SPAG17: variants seen among roughly 807,000 people sequenced by gnomAD.
SPAG17 encodes the protein sperm-associated antigen 17.
In SPAG17, 169 loss-of-function variants were observed where a neutral mutation model predicts 273.6. The observed-to-expected ratio is 0.62, with a 90% CI of 0.55 to 0.70. The LOEUF (loss-of-function observed/expected upper bound fraction) is 0.70, where lower values mean the gene tolerates loss of function less well. SPAG17 is among the 30% of genes least tolerant of loss of function. The pLI, the probability that SPAG17 is intolerant of heterozygous loss-of-function variation, is 0.00. For missense variants in SPAG17, 2,557 were observed against 2,627.8 expected (o/e 0.97, Z 0.59); for synonymous variants, 825 against 873.2 (o/e 0.94, Z 0.97).
intron 3 of SPAG17, 139 bp downstream of exon 3, chr1:118,150,404 C>G: frequency 2.3e-6 from 1 of 434,248 alleles, no homozygotes; most frequent in Non-Finnish European, 4.1e-6. Context: ...TGTGTGTGTT[C>G]ACCATCAGGA....
chr1:118,037,101 A>G (rs928779591), intron 23 of SPAG17, among the ~76,000 whole-genome samples: 6 of 152,128 alleles, frequency 3.9e-5, no homozygotes, highest in African/African-American at 1.4e-4. Flanking sequence ...CCTTAGGTTA[A>G]AGTGAAGAGA....
intron 1 of SPAG17, among the ~76,000 whole-genome samples, chr1:118,164,608 G>A (rs1200993015): frequency 6.6e-6 from 1 of 151,948 alleles, no homozygotes; most frequent in East Asian, 1.9e-4. Context: ...CCATCTATAG[G>A]GTCTGTTTAA....
chr1:118,104,176 A>T lies in SPAG17; in HGVS notation c.448-2250T>A, dbSNP rs186207880. ...AAAACCCAATAGTGACTTAGATTAA[A>T]GTGTTGGCAGAGTGAAGAAAGATAG... On this transcript the variant is annotated intron_variant, in intron 4 of 48. Coordinates refer to ENST00000336338, the MANE Select transcript of SPAG17 (RefSeq NM_206996.4). Among the ~76,000 whole-genome samples, 1,375 of 152,278 alleles carry T rather than the reference A, an allele frequency of 9.0e-3. 43 individuals are homozygous for T. Among genetic ancestry groups the T allele is most frequent in the Admixed American group, 0.07 (1,077 of 15,282 alleles).
intron 46 of SPAG17, 146 bp from the exon 47 acceptor site, chr1:117,966,899 T>C: frequency 4.9e-6 from 3 of 610,004 alleles, no homozygotes; most frequent in East Asian, 6.0e-5. Flanking sequence ...GTAGTTATTA[T>C]AAGCATTTAG....
At chr1:118,081,038 T>C in intron 15 of SPAG17, 63 bp downstream of exon 15, 1 of 1,271,694 alleles carries the variant, frequency 7.9e-7, no homozygotes, top group Admixed American at 1.9e-5. Context: ...TTTTGATTTA[T>C]GTGTACTATA....
chr1:117,996,404 A>G lies in SPAG17; in HGVS notation c.5019T>C (p.Thr1673=), dbSNP rs751012020. 1.2e-6 allele frequency: 2 copies of G among 1,612,900 alleles called. No individual in the cohort carries two copies. Among genetic ancestry groups the G allele is most frequent in the South Asian group, 1.1e-5 (1 of 90,980 alleles). ...YLSLAYKESN[T]VVLQEPVQEQ... ...CCTGCACTGGCTCTTGGAGAACAAC[A>G]GTATTTGATTCTTTATATGCCAAAG... The change falls in exon 34 of 49, where the codon ACT becomes ACC. Residue 1673 remains threonine, a synonymous_variant. Coordinates refer to ENST00000336338, the MANE Select transcript of SPAG17 (RefSeq NM_206996.4).
intron 3 of SPAG17, among the ~76,000 whole-genome samples, chr1:118,134,948 T>C (rs1475982545): frequency 6.6e-6 from 1 of 152,216 alleles, no homozygotes; most frequent in Non-Finnish European, 1.5e-5. Flanking sequence ...CATTGCTCGG[T>C]GCACTCATTG....
chr1:118,027,863 G>A (rs1241551249), intron 26 of SPAG17, among the ~76,000 whole-genome samples: 2 of 151,986 alleles, frequency 1.3e-5, no homozygotes, highest in Admixed American at 6.6e-5. Context: ...ATTTGTTTTG[G>A]TCAGACCAGC....
intron 13 of SPAG17, among the ~76,000 whole-genome samples, chr1:118,083,965 G>A (rs918473870): frequency 6.6e-6 from 1 of 152,026 alleles, no homozygotes; most frequent in Non-Finnish European, 1.5e-5. Context: ...AAGAGGGGAG[G>A]AGCACCAAGG....
intron 3 of SPAG17, among the ~76,000 whole-genome samples, chr1:118,129,712 TTTTC>T (rs1276072596): frequency 7.9e-5 from 12 of 151,460 alleles, no homozygotes; most frequent in East Asian, 5.9e-4. Flanking sequence ...TCTTTCTTTC[TTTTC>T]TTTCTTTCCC....
intron 3 of SPAG17, among the ~76,000 whole-genome samples, chr1:118,144,547 T>A (rs1658864408): frequency 6.6e-6 from 1 of 152,188 alleles, no homozygotes; most frequent in Non-Finnish European, 1.5e-5. Context: ...TTGTTCCAAG[T>A]CTCATTATTT....
chr1:117,958,039 T>C (rs1355873841), intron 48 of SPAG17, among the ~76,000 whole-genome samples: 1 of 152,234 alleles, frequency 6.6e-6, no homozygotes, highest in African/African-American at 2.4e-5. Context: ...TCTTCTCATC[T>C]CTCACCCTCA....
intron 3 of SPAG17, among the ~76,000 whole-genome samples, chr1:118,147,002 T>C (rs1558044627): frequency 6.6e-6 from 1 of 152,222 alleles, no homozygotes; most frequent in Non-Finnish European, 1.5e-5. Flanking sequence ...CTCATCTTCC[T>C]TTGAATTCTT....
intron 3 of SPAG17, among the ~76,000 whole-genome samples, chr1:118,116,481 G>T (rs576060830): frequency 4.6e-4 from 70 of 152,218 alleles, no homozygotes; most frequent in Middle Eastern, 6.8e-3. Flanking sequence ...TCAATTTCAG[G>T]CCCTTGGTCT....
intron 17 of SPAG17, among the ~76,000 whole-genome samples, chr1:118,070,175 A>G (rs749321483): frequency 1.3e-5 from 2 of 152,178 alleles, no homozygotes; most frequent in Admixed American, 6.5e-5. Context: ...AGATAAAGGC[A>G]CCGGAATTTT....
At chr1:118,101,395 T>C (rs1159398213) in intron 5 of SPAG17, among the ~76,000 whole-genome samples, 9 of 152,226 alleles carry the variant, frequency 5.9e-5, no homozygotes, top group African/African-American at 2.2e-4. Context: ...CACTCTAGCC[T>C]GGGTGACAGA....
chr1:117,954,099 G>A lies in SPAG17; in HGVS notation c.*1-50C>T, dbSNP rs567763011. The A allele has an allele frequency of 5.0e-6, 8 of 1,610,574 alleles. No homozygotes were observed. In the South Asian group the frequency reaches 8.8e-5, roughly 18 times the overall value. ...CCATTTGTAAAGCTGCAGGGAAAGA[G>A]GTAATAAGAGAGTACAGTAAGTTAC... On this transcript the variant is annotated intron_variant, in intron 48 of 48. Coordinates refer to ENST00000336338, the MANE Select transcript of SPAG17 (RefSeq NM_206996.4).
At chr1:118,179,553 C>T (rs1252665801) in intron 1 of SPAG17, among the ~76,000 whole-genome samples, 3 of 151,838 alleles carry the variant, frequency 2.0e-5, no homozygotes, top group Non-Finnish European at 4.4e-5. Flanking sequence ...TTGTGTAAGA[C>T]CTCAAAAGCA....
intron 22 of SPAG17, 105 bp downstream of exon 22, chr1:118,040,624 GA>G (rs963721097): frequency 1.4e-6 from 1 of 717,244 alleles, no homozygotes; most frequent in African/African-American, 1.8e-5. Flanking sequence ...TATTGTGGGG[GA>G]CAGAATAACA....
Sources: gnomAD v4.1 joint callset for allele counts (sites outside exome capture counted in the v4.1 genomes callset) on GRCh38, gnomAD v4.1.1 for gene constraint, MANE v1.5 for transcripts, NCBI Gene and HGNC (gene_info 2026-07-23, HGNC 2026-07-21) for gene names.